DAPP1: variants seen among roughly 807,000 people sequenced by gnomAD.
DAPP1 encodes the protein dual adapter for phosphotyrosine and 3-phosphotyrosine and 3-phosphoinositide.
DAPP1 carries 20 observed loss-of-function variants against 41.5 expected under a neutral mutation model. That is an observed-to-expected ratio of 0.48 (90% CI 0.34 to 0.70). The LOEUF (loss-of-function observed/expected upper bound fraction) is 0.70, where lower values mean the gene tolerates loss of function less well. Among genes scored for constraint, DAPP1 ranks in the 30% least tolerant of loss-of-function variants. DAPP1 has a pLI of 0.01. For synonymous variants in DAPP1, 113 were observed against 116.2 expected (o/e 0.97, Z 0.18); for missense variants, 233 against 333.4 (o/e 0.70, Z 2.35).
chr4:99,857,711 C>T (rs931847015), intron 4 of DAPP1, among the ~76,000 whole-genome samples: 59 of 129,280 alleles, frequency 4.6e-4, no homozygotes, highest in African/African-American at 7.4e-4. Flanking sequence ...TACACACACA[C>T]ACACACACAC....
intron 1 of DAPP1, among the ~76,000 whole-genome samples, chr4:99,825,317 T>C (rs529661039): frequency 1.1e-3 from 166 of 152,324 alleles, no homozygotes; most frequent in African/African-American, 3.9e-3. Context: ...TCTGTCTCTG[T>C]GTTTTCGTCT....
chr4:99,842,917 T>A (rs531480186), intron 3 of DAPP1, among the ~76,000 whole-genome samples: 4 of 148,614 alleles, frequency 2.7e-5, no homozygotes, highest in African/African-American at 1.0e-4. Flanking sequence ...AGTGGCGCGA[T>A]CTCGGCCCAC....
chr4:99,863,943 T>C (rs1724331442), intron 7 of DAPP1, 88 bp downstream of exon 7: 3 of 885,956 alleles, frequency 3.4e-6, no homozygotes, highest in Non-Finnish European at 5.3e-6. Context: ...TATATCTTAA[T>C]GTCTACAAAG....
chr4:99,839,921 G>A (rs1363781216), intron 2 of DAPP1, among the ~76,000 whole-genome samples: 2 of 152,172 alleles, frequency 1.3e-5, no homozygotes, highest in Non-Finnish European at 2.9e-5. Flanking sequence ...AATTAGCCAG[G>A]CATCGTGGCA....
At chr4:99,831,098 CTTATT>C (rs1246515402) in intron 1 of DAPP1, among the ~76,000 whole-genome samples, 5 of 152,198 alleles carry the variant, frequency 3.3e-5, no homozygotes, top group African/African-American at 7.2e-5. Flanking sequence ...TTTTAAAACT[CTTATT>C]TTATGTTTTT....
chr4:99,861,129 C>T (rs1724221666), intron 4 of DAPP1, among the ~76,000 whole-genome samples: 1 of 152,144 alleles, frequency 6.6e-6, no homozygotes, highest in Admixed American at 6.5e-5. Flanking sequence ...AAGGTTCCCT[C>T]TTAAAAATTT....
intron 1 of DAPP1, among the ~76,000 whole-genome samples, chr4:99,821,075 C>T (rs1047009543): frequency 1.3e-5 from 2 of 152,152 alleles, no homozygotes; most frequent in African/African-American, 4.8e-5. Flanking sequence ...TCCAGCTTTA[C>T]ACAGGAAGAG....
chr4:99,821,619 G>T, intron 1 of DAPP1, among the ~76,000 whole-genome samples: 1 of 152,178 alleles, frequency 6.6e-6, no homozygotes, highest in East Asian at 1.9e-4. Flanking sequence ...TTAATCACAT[G>T]CTTAAGTTTC....
intron 3 of DAPP1, among the ~76,000 whole-genome samples, chr4:99,851,009 T>C (rs1427257310): frequency 1.3e-5 from 2 of 152,194 alleles, no homozygotes; most frequent in Non-Finnish European, 2.9e-5. Flanking sequence ...CATCCAGTGC[T>C]CTTTCCAAGG....
intron 4 of DAPP1, among the ~76,000 whole-genome samples, chr4:99,853,571 C>A (rs749233840): frequency 5.3e-5 from 8 of 152,140 alleles, no homozygotes; most frequent in Non-Finnish European, 8.8e-5. Flanking sequence ...CCTGTAATCC[C>A]AACATTTTGG....
Position 99,863,003 on chromosome 4 carries a change from T to C in DAPP1, c.538-7T>C. The C allele has an allele frequency of 1.3e-6, 2 of 1,586,412 alleles. No homozygotes were observed. The highest frequency in any genetic ancestry group is 3.7e-5 in the Admixed American group (2 of 53,394). On this transcript the variant is annotated splice_polypyrimidine_tract_variant and splice_region_variant and intron_variant, in intron 5 of 8. Transcript: ENST00000512369. ...TGTGTGTTTGTGTGTGTGTGTGTTT[T>C]TCTCAGACCTGGAAAACAAGATGGT...
At position 99,835,751 on chromosome 4, in the gene DAPP1, G is replaced by T. The variant is rs1723278782; in HGVS notation, c.224+6G>T. The T allele has an allele frequency of 1.2e-6, 2 of 1,613,494 alleles. No individual in the cohort carries two copies. The highest frequency in any genetic ancestry group is 2.7e-5 in the African/African-American group (2 of 74,902). The stretch of plus-strand genomic sequence containing the variant: ...CTGTACTCTCTCTCTGTGAGGTAAG[G>T]TGCTTCAGGGCTCTACGACTTCAGC... On this transcript the variant is annotated splice_donor_region_variant and intron_variant, in intron 2 of 8. Transcript: ENST00000512369.
Position 99,868,530 on chromosome 4 carries a change from A to G in DAPP1, c.*345A>G. On this transcript the variant is annotated 3_prime_UTR_variant, in exon 9 of 9. Transcript: ENST00000512369. Reference sequence around the variant, plus strand: ...AAGCCTATTGACACTAGTTGCCTAGAGTCCCACTGTGAGTCATGGTCAGCC... The same window carrying G: ...AAGCCTATTGACACTAGTTGCCTAGGGTCCCACTGTGAGTCATGGTCAGCC... 1 of 214,588 alleles carries G rather than the reference A, an allele frequency of 4.7e-6. No individual in the cohort carries two copies. The highest frequency in any genetic ancestry group is 9.5e-6 in the Non-Finnish European group (1 of 105,766). 13.3% of individuals were successfully genotyped at this position (214,588 alleles called of 1,614,324 possible). A position where few individuals can be genotyped will look rare whatever the true frequency, so the allele number is the denominator to read the frequency against.
At chr4:99,861,727 CT>C in intron 5 of DAPP1, 102 bp downstream of exon 5, 1 of 1,335,876 alleles carries the variant, frequency 7.5e-7, no homozygotes, top group Admixed American at 2.1e-5. Context: ...GCATAATTGC[CT>C]GCTCATTTTA....
intron 3 of DAPP1, among the ~76,000 whole-genome samples, chr4:99,843,808 T>G (rs972176452): frequency 5.3e-5 from 8 of 152,230 alleles, no homozygotes; most frequent in African/African-American, 1.7e-4. Flanking sequence ...TTTTGTCAGC[T>G]TTGCTTCCTG....
In DAPP1 at chr4:99,816,986, G is replaced by A. The variant is rs772675090; in HGVS notation, c.73G>A (p.Gly25Arg). The stretch of plus-strand genomic sequence containing the variant: ...CTCAGATCTGTGGAGCAGATCCGAT[G>A]GAGAGGCTGAGCTGCTCCAGGACTT... The part of the protein sequence containing the change: ...DPSDLWSRSD[G>R]EAELLQDLGW... The change falls in exon 1 of 9, where the codon GGA (glycine) becomes AGA (arginine). Residue 25 changes from glycine (G) to arginine (R), a missense_variant. Gly to Arg is a moderately radical substitution (Grantham distance 125). Coordinates refer to ENST00000512369, the MANE Select transcript of DAPP1 (RefSeq NM_014395.3). 6.2e-7 allele frequency: 1 copy of A among 1,605,512 alleles called. No homozygotes were observed. The highest frequency in any genetic ancestry group is 1.1e-5 in the South Asian group (1 of 89,046).
At chr4:99,836,172 G>T (rs893426499) in intron 2 of DAPP1, among the ~76,000 whole-genome samples, 1 of 152,172 alleles carries the variant, frequency 6.6e-6, no homozygotes, top group Non-Finnish European at 1.5e-5. Context: ...CCTCAAGGAG[G>T]CAATATACAT....
At chr4:99,820,092 G>A (rs1722722073) in intron 1 of DAPP1, among the ~76,000 whole-genome samples, 1 of 152,122 alleles carries the variant, frequency 6.6e-6, no homozygotes, top group South Asian at 2.1e-4. Context: ...TTGTTGCTCA[G>A]CTTCGCTTAC....
intron 1 of DAPP1, among the ~76,000 whole-genome samples, chr4:99,817,225 G>C (rs1454848226): frequency 6.6e-6 from 1 of 152,096 alleles, no homozygotes; most frequent in Non-Finnish European, 1.5e-5. Flanking sequence ...TATTTTTCTA[G>C]ATGTGAAAAC....
Sources: gnomAD v4.1 joint callset for allele counts (sites outside exome capture counted in the v4.1 genomes callset) on GRCh38, gnomAD v4.1.1 for gene constraint, MANE v1.5 for transcripts, NCBI Gene and HGNC (gene_info 2026-07-23, HGNC 2026-07-21) for gene names.